CSF2RB: variants seen among roughly 807,000 people sequenced by gnomAD.
CSF2RB encodes cytokine receptor common subunit beta.
In CSF2RB, 22 loss-of-function variants were observed where a neutral mutation model predicts 67.2. That is an observed-to-expected ratio of 0.33 (90% CI 0.23 to 0.47). CSF2RB has a LOEUF of 0.47. Ranked by LOEUF, CSF2RB falls within the 20% of genes least tolerant of loss-of-function variation. CSF2RB has a pLI of 1.00. For missense variants in CSF2RB, 1,113 were observed against 1,174.5 expected (o/e 0.95, Z 0.76); for synonymous variants, 507 against 482.9 (o/e 1.05, Z -0.65).
At position 36,937,781 on chromosome 22, in the gene CSF2RB, C is replaced by A; in HGVS notation, c.1973C>A (p.Pro658Gln). The change falls in exon 14 of 14, where the codon CCG (proline) becomes CAG (glutamine). Residue 658 changes from proline to glutamine, a missense_variant. By Grantham distance (76) the Pro-to-Gln change is moderately conservative (BLOSUM62 -1). Around this residue, in one of 2 missense-constraint regions of CSF2RB, gnomAD observed 554 missense variants for 517.9 expected, o/e 1.07. Transcript: ENST00000403662. This position sits in a 1 kb window ranked among gnomAD's most constrained non-coding sequence, Gnocchi z 4.6. ...PGQAVEVERR[P>Q]SQGAAGSPSL... ...CAGGCCGTGGAAGTGGAGAGAAGGC[C>A]GAGCCAGGGGGCTGCAGGGAGTCCC... The A allele has an allele frequency of 6.3e-7, 1 of 1,582,110 alleles. No individual in the cohort carries two copies. Among genetic ancestry groups the A allele is most frequent in the Non-Finnish European group, 8.6e-7 (1 of 1,164,108 alleles).
At chr22:36,914,096 C>T (rs965879582) in intron 1 of CSF2RB, among the ~76,000 whole-genome samples, 1 of 152,106 alleles carries the variant, frequency 6.6e-6, no homozygotes, top group Non-Finnish European at 1.5e-5. Flanking sequence ...TCTGTCTCCT[C>T]ATCTGTGGAA....
rs6000493 is a variant in CSF2RB at position 36,928,153 on chromosome 22, C to T, written c.392-1249C>T. 2.8e-3 allele frequency among the ~76,000 whole-genome samples: 430 copies of T among 152,220 alleles called. 2 individuals carry two copies. Among genetic ancestry groups the T allele is most frequent in the African/African-American group, 9.8e-3 (405 of 41,532 alleles). On this transcript the variant is annotated intron_variant, in intron 4 of 13. Coordinates refer to ENST00000403662, the MANE Select transcript of CSF2RB (RefSeq NM_000395.3). ...AGGATGCTGGGAGGTACTGGGCAGG[C>T]GACAGGCATGCATCTGATCTGCTCT... is the stretch of plus-strand genomic sequence containing the variant.
chr22:36,918,211 A>C (rs1940768430), intron 1 of CSF2RB, among the ~76,000 whole-genome samples: 1 of 152,172 alleles, frequency 6.6e-6, no homozygotes, highest in Admixed American at 6.5e-5. Flanking sequence ...AATTTCTTTC[A>C]GAAAAGATCT....
chr22:36,935,326 CCT>C (rs1569138534), intron 10 of CSF2RB, 23 bp from the exon 11 acceptor site: 3 of 1,612,310 alleles, frequency 1.9e-6, no homozygotes, highest in Non-Finnish European at 2.5e-6. Flanking sequence ...TGCTGACATT[CCT>C]CTTTCTCCCC....
At position 36,929,647 on chromosome 22, in the gene CSF2RB, C is replaced by T. The variant is rs1371590857; in HGVS notation, c.558C>T (p.Ala186=). 1 of 1,614,238 alleles carries T rather than the reference C, an allele frequency of 6.2e-7. No individual in the cohort carries two copies. The highest frequency in any genetic ancestry group is 8.5e-7 in the Non-Finnish European group (1 of 1,180,042). Residue 186 remains alanine, a synonymous_variant, in exon 6 of 14, where the codon GCC becomes GCT. Transcript: ENST00000403662. ...CCACTGTCTCCTGACAGGACGCAGC[C>T]ATCCTCCTCTCCAACACCTCCCAGG... ...KRLQDSWEDA[A]ILLSNTSQAT...
intron 8 of CSF2RB, among the ~76,000 whole-genome samples, chr22:36,931,152 G>A (rs1162092493): frequency 6.6e-6 from 1 of 152,072 alleles, no homozygotes; most frequent in Non-Finnish European, 1.5e-5. Flanking sequence ...TTCCTCATTG[G>A]ATTTTCCTCT....
chr22:36,934,200 G>C (rs902214792), intron 10 of CSF2RB, among the ~76,000 whole-genome samples: 6 of 152,188 alleles, frequency 3.9e-5, no homozygotes, highest in African/African-American at 1.4e-4. Flanking sequence ...AGTTGAAAGA[G>C]GCAAAGAGTA....
chr22:36,922,740 C>T, intron 2 of CSF2RB: 1 of 282,344 alleles, frequency 3.5e-6, no homozygotes, highest in South Asian at 4.0e-5. Flanking sequence ...GGTGAAATGG[C>T]CCCTCCCAAG....
At chr22:36,930,586 C>T (rs1374137455) in intron 7 of CSF2RB, 76 bp downstream of exon 7, 4 of 1,611,216 alleles carry the variant, frequency 2.5e-6, no homozygotes, top group Non-Finnish European at 3.4e-6. Context: ...TCCCTGGGGC[C>T]CCAGCAGAAG....
At chr22:36,921,205 CTG>C (rs1332212897) in intron 1 of CSF2RB, among the ~76,000 whole-genome samples, 1 of 147,990 alleles carries the variant, frequency 6.8e-6, no homozygotes, top group African/African-American at 2.5e-5. Flanking sequence ...ATGTATGTAT[CTG>C]TGTTGTTCAT....
At position 36,938,933 on chromosome 22, in the gene CSF2RB, T is replaced by G; in HGVS notation, c.*431T>G. 1.7e-6 allele frequency: 1 copy of G among 596,944 alleles called. No individual in the cohort carries two copies. The highest frequency in any genetic ancestry group is 2.8e-5 in the East Asian group (1 of 36,340). 37.0% of individuals were successfully genotyped at this position (596,944 alleles called of 1,614,324 possible). The stretch of plus-strand genomic sequence containing the variant: ...TGCGGCTGGTTGTGTTGAGGACTTG[T>G]GTGGGCTGCCTGTCCCCGGCAGTCG... On this transcript the variant is annotated 3_prime_UTR_variant, in exon 14 of 14. Coordinates refer to ENST00000403662, the MANE Select transcript of CSF2RB (RefSeq NM_000395.3).
At position 36,940,214 on chromosome 22, in the gene CSF2RB, T is replaced by C. The variant is rs948980136; in HGVS notation, c.*1712T>C. On this transcript the variant is annotated 3_prime_UTR_variant, in exon 14 of 14. Coordinates refer to ENST00000403662, the MANE Select transcript of CSF2RB (RefSeq NM_000395.3). Reference sequence around the variant, plus strand: ...CTCGTTACTTTTGCTCTTAAATCCCTATTCATTACAGCAATGTTGGTGGTC... The same window carrying C: ...CTCGTTACTTTTGCTCTTAAATCCCCATTCATTACAGCAATGTTGGTGGTC... The C allele has an allele frequency of 9.8e-5, 15 of 152,384 alleles. No individual in the cohort carries two copies. The highest frequency in any genetic ancestry group is 1.5e-4 in the Non-Finnish European group (10 of 68,036). 9.4% of individuals were successfully genotyped at this position (152,384 alleles called of 1,614,324 possible). A position where few individuals can be genotyped will look rare whatever the true frequency, so the allele number is the denominator to read the frequency against.
chr22:36,926,231 G>T, intron 4 of CSF2RB, 54 bp downstream of exon 4: 1 of 1,575,706 alleles, frequency 6.3e-7, no homozygotes. Context: ...GACAGCGGGG[G>T]CACCAGGGGT....
chr22:36,921,756 G>A (rs1470177059), intron 1 of CSF2RB, among the ~76,000 whole-genome samples: 7 of 152,140 alleles, frequency 4.6e-5, no homozygotes, highest in African/African-American at 7.2e-5. Context: ...TCCAACAGCC[G>A]TGGACCAGCA....
chr22:36,923,777 T>A, intron 3 of CSF2RB: 1 of 1,292,354 alleles, frequency 7.7e-7, no homozygotes, highest in Non-Finnish European at 1.0e-6. Context: ...GAGATGGCGC[T>A]AGCCTGGGAG....
At chr22:36,920,041 T>G (rs1397363498) in intron 1 of CSF2RB, among the ~76,000 whole-genome samples, 2 of 152,198 alleles carry the variant, frequency 1.3e-5, no homozygotes, top group Non-Finnish European at 2.9e-5. Flanking sequence ...CGTGTGACTG[T>G]CGACCAATTA....
rs768051950 is a variant in CSF2RB at position 36,929,496 on chromosome 22, C to A, written c.486C>A (p.His162Gln). Residue 162 changes from histidine (H) to glutamine (Q), a missense_variant, in exon 5 of 14, where the codon CAC becomes CAA. Physicochemically the swap from His to Gln is conservative, Grantham distance 24 (BLOSUM62 0). Around this residue, in one of 2 missense-constraint regions of CSF2RB, gnomAD observed 559 missense variants for 656.5 expected, o/e 0.85. Transcript: ENST00000403662. The part of the protein sequence containing the change: ...WSVALGSPQS[H>Q]WLSPGDLEFE... ...TGGCCCTTGGGAGTCCCCAGAGCCA[C>A]TGGTTGTCCCCAGGGGATCTGGAGT... is the stretch of plus-strand genomic sequence containing the variant. 1 of 1,614,118 alleles carries A rather than the reference C, an allele frequency of 6.2e-7. No individual in the cohort carries two copies. The highest frequency in any genetic ancestry group is 8.5e-7 in the Non-Finnish European group (1 of 1,180,052).
rs146467007 is a variant in CSF2RB at position 36,931,213 on chromosome 22, T to G, written c.1012+383T>G. On this transcript the variant is annotated intron_variant, in intron 8 of 13. Transcript: ENST00000403662. The stretch of plus-strand genomic sequence containing the variant: ...ACTGATATTCTATCTTTAATGTAAT[T>G]GATCTATGATGTACTTTTCAACTGG... Among the ~76,000 whole-genome samples, 23 of 152,334 alleles carry G rather than the reference T, an allele frequency of 1.5e-4. 1 individual carries two copies. Among genetic ancestry groups the G allele is most frequent in the Middle Eastern group, 6.8e-3 (2 of 294 alleles).
chr22:36,934,794 G>A (rs991187001), intron 10 of CSF2RB, among the ~76,000 whole-genome samples: 2 of 152,180 alleles, frequency 1.3e-5, no homozygotes, highest in African/African-American at 4.8e-5. Context: ...GCTTGGTAGC[G>A]GCAGGGGCCC....
Sources: gnomAD v4.1 joint callset for allele counts (sites outside exome capture counted in the v4.1 genomes callset) on GRCh38, gnomAD v4.1.1 for gene constraint, gnomAD v4.1.1 regional missense constraint, Gnocchi (gnomAD v3.1) non-coding constraint, MANE v1.5 for transcripts, NCBI Gene and HGNC (gene_info 2026-07-23, HGNC 2026-07-21) for gene names.